CCDC91: variants seen among roughly 807,000 people sequenced by gnomAD.
CCDC91 encodes the protein coiled-coil domain containing 91.
CCDC91 carries 48 observed loss-of-function variants against 63.2 expected under a neutral mutation model. The observed-to-expected ratio is 0.76, with a 90% CI of 0.60 to 0.97. CCDC91 has a LOEUF of 0.97. Among genes scored for constraint, CCDC91 ranks in the 50% least tolerant of loss-of-function variants. The probability of loss-of-function intolerance (pLI) is 0.00; values close to 1 mark genes in which losing one functional copy is unlikely to be tolerated. For missense variants in CCDC91, 500 were observed against 494.6 expected, an observed-to-expected ratio of 1.01 and a Z score of -0.10; for synonymous variants, 167 against 165.8, an observed-to-expected ratio of 1.01 and a Z score of -0.06.
intron 11 of CCDC91, among the ~76,000 whole-genome samples, chr12:28,477,390 G>C (rs1476691570): frequency 6.6e-6 from 1 of 152,166 alleles, no homozygotes; most frequent in Non-Finnish European, 1.5e-5. Flanking sequence ...CTTGATAGAT[G>C]CAGAAAAGGC....
At chr12:28,488,789 G>A (rs1951852623) in intron 12 of CCDC91, among the ~76,000 whole-genome samples, 1 of 151,886 alleles carries the variant, frequency 6.6e-6, no homozygotes, top group South Asian at 2.1e-4. Context: ...CTGTGGATCA[G>A]CAAGGTACCT....
chr12:28,407,164 G>A (rs1475156036), intron 8 of CCDC91, among the ~76,000 whole-genome samples: 3 of 152,076 alleles, frequency 2.0e-5, no homozygotes, highest in East Asian at 1.9e-4. Flanking sequence ...ATGATTGGAA[G>A]CTTCCTGAGG....
At chr12:28,272,414 C>T (rs911111215) in intron 3 of CCDC91, among the ~76,000 whole-genome samples, 11 of 144,726 alleles carry the variant, frequency 7.6e-5, no homozygotes, top group African/African-American at 2.3e-4. Context: ...TTAGTAAAGT[C>T]GCTTTTTTTT....
chr12:28,312,783 G>A (rs1407356510), intron 6 of CCDC91, among the ~76,000 whole-genome samples: 2 of 151,956 alleles, frequency 1.3e-5, no homozygotes, highest in African/African-American at 2.4e-5. Flanking sequence ...GATAGTAAAT[G>A]TCTCACGAGA....
intron 8 of CCDC91, among the ~76,000 whole-genome samples, chr12:28,398,683 A>G (rs1565911643): frequency 1.3e-5 from 2 of 152,182 alleles, no homozygotes; most frequent in Admixed American, 6.5e-5. Context: ...GGTATTGTCC[A>G]TCTTTTTCAC....
intron 8 of CCDC91, among the ~76,000 whole-genome samples, chr12:28,431,589 T>C (rs1948628806): frequency 6.6e-6 from 1 of 152,118 alleles, no homozygotes; most frequent in Admixed American, 6.6e-5. Context: ...ATATATCTCT[T>C]ATAAGCAGGT....
intron 12 of CCDC91, among the ~76,000 whole-genome samples, chr12:28,495,280 T>C (rs1255141276): frequency 6.6e-6 from 1 of 151,714 alleles, no homozygotes. Context: ...GGGGAAGACA[T>C]TACAAATTTT....
At chr12:28,496,591 T>C (rs2141057298) in intron 12 of CCDC91, among the ~76,000 whole-genome samples, 1 of 151,752 alleles carries the variant, frequency 6.6e-6, no homozygotes, top group East Asian at 1.9e-4. Context: ...GAAATATTTT[T>C]CCAGCTTTTT....
chr12:28,393,640 C>G (rs1392947481), intron 8 of CCDC91, among the ~76,000 whole-genome samples: 1 of 152,122 alleles, frequency 6.6e-6, no homozygotes, highest in Non-Finnish European at 1.5e-5. Flanking sequence ...GGCTAACATA[C>G]TTAGTTTACT....
intron 6 of CCDC91, among the ~76,000 whole-genome samples, chr12:28,311,772 C>G (rs1321871412): frequency 6.6e-6 from 1 of 151,668 alleles, no homozygotes. Context: ...TAAAAGTTTT[C>G]TGTCTTGCTA....
chr12:28,293,788 A>T (rs938026806), intron 3 of CCDC91, among the ~76,000 whole-genome samples: 5 of 151,510 alleles, frequency 3.3e-5, no homozygotes, highest in African/African-American at 9.7e-5. Flanking sequence ...GAGTACAATG[A>T]TGTGATCATA....
At chr12:28,450,020 A>T (rs889617215) in intron 8 of CCDC91, 141 bp from the exon 9 acceptor site, 2 of 513,052 alleles carry the variant, frequency 3.9e-6, no homozygotes, top group Non-Finnish European at 7.0e-6. Flanking sequence ...TTTCTCCTGA[A>T]CCTTCGTTTT....
intron 8 of CCDC91, among the ~76,000 whole-genome samples, chr12:28,436,979 G>T (rs984834821): frequency 6.6e-6 from 1 of 150,774 alleles, no homozygotes; most frequent in Admixed American, 6.6e-5. Flanking sequence ...ACAGAGTCTC[G>T]CTCTGTCTCC....
At chr12:28,444,169 C>T (rs897794343) in intron 8 of CCDC91, among the ~76,000 whole-genome samples, 2 of 152,106 alleles carry the variant, frequency 1.3e-5, no homozygotes, top group African/African-American at 4.8e-5. Flanking sequence ...GAAGTCTGCC[C>T]ATCAGCAACA....
At chr12:28,342,538 A>G (rs1942503830) in intron 6 of CCDC91, among the ~76,000 whole-genome samples, 1 of 152,150 alleles carries the variant, frequency 6.6e-6, no homozygotes, top group South Asian at 2.1e-4. Flanking sequence ...GCAAGAGAAG[A>G]TTTATTTATT....
intron 1 of CCDC91, among the ~76,000 whole-genome samples, chr12:28,207,679 G>T (rs7973656): frequency 2.0e-5 from 3 of 151,910 alleles, no homozygotes; most frequent in Non-Finnish European, 4.4e-5. Flanking sequence ...ATGGAACATT[G>T]GTTATAAACT....
At chr12:28,216,496 T>C (rs1943568219) in intron 1 of CCDC91, among the ~76,000 whole-genome samples, 1 of 151,952 alleles carries the variant, frequency 6.6e-6, no homozygotes, top group African/African-American at 2.4e-5. Flanking sequence ...GGAACTTATG[T>C]GTAATGAACT....
chr12:28,538,477 G>A (rs1468699039), intron 12 of CCDC91, among the ~76,000 whole-genome samples: 1 of 151,880 alleles, frequency 6.6e-6, no homozygotes, highest in Non-Finnish European at 1.5e-5. Flanking sequence ...TGGTATATAT[G>A]TGCCACATTT....
Position 28,301,307 on chromosome 12 carries a change from C to T in CCDC91, c.110-4342C>T, listed in dbSNP as rs1311955588. Among the ~76,000 whole-genome samples, 7 of 151,492 alleles carry T rather than the reference C, an allele frequency of 4.6e-5. No homozygotes were observed. The East Asian group carries it at 1.4e-3, about 29-fold the overall frequency. On this transcript the variant is annotated intron_variant, in intron 3 of 12. Coordinates refer to ENST00000536442, the MANE Select transcript of CCDC91 (RefSeq NM_018318.5). ...TGTTCAGTTTTATCACGGGCATTTC[C>T]AGAGTCTGGAGATAATCATATAATT... is the stretch of plus-strand genomic sequence containing the variant.
Sources: gnomAD v4.1 joint callset for allele counts (sites outside exome capture counted in the v4.1 genomes callset) on GRCh38, gnomAD v4.1.1 for gene constraint, MANE v1.5 for transcripts, NCBI Gene and HGNC (gene_info 2026-07-23, HGNC 2026-07-21) for gene names.